Variants in GRIP1 observed in about 807,000 individuals in gnomAD.
GRIP1 encodes the protein glutamate receptor-interacting protein 1.
In GRIP1, 45 loss-of-function variants were observed where a neutral mutation model predicts 129.9. That is an observed-to-expected ratio of 0.35 (90% confidence interval 0.27 to 0.44). The LOEUF (loss-of-function observed/expected upper bound fraction) is 0.44. GRIP1 is among the 20% of genes least tolerant of loss of function. GRIP1 has a pLI of 1.00. For synonymous variants in GRIP1, 530 were observed against 520.8 expected, an observed-to-expected ratio of 1.02 and a Z score of -0.24; for missense variants, 1,196 against 1,396.8, an observed-to-expected ratio of 0.86 and a Z score of 2.29.
intron 1 of GRIP1, among the ~76,000 whole-genome samples, chr12:66,930,714 CTCTT>C (rs2041380291): frequency 6.6e-6 from 1 of 152,192 alleles, no homozygotes; most frequent in Non-Finnish European, 1.5e-5. Context: ...AGCTTGATGA[CTCTT>C]TCCCTTAACC....
intron 1 of GRIP1, among the ~76,000 whole-genome samples, chr12:66,945,746 TA>T (rs1426483485): frequency 5.3e-5 from 8 of 152,202 alleles, no homozygotes; most frequent in Admixed American, 3.3e-4. Flanking sequence ...GACAAATATC[TA>T]AACTATATCT....
chr12:66,966,705 T>C (rs1202491935), intron 1 of GRIP1, among the ~76,000 whole-genome samples: 3 of 152,202 alleles, frequency 2.0e-5, no homozygotes, highest in Non-Finnish European at 4.4e-5. Flanking sequence ...TCTGACGTTT[T>C]TCTCATTATG....
chr12:66,630,245 G>A (rs1592673343), intron 1 of GRIP1: 1 of 152,186 alleles, frequency 6.6e-6, no homozygotes, highest in Non-Finnish European at 1.5e-5. Flanking sequence ...AGGTACTTAG[G>A]AGGCTGAGGC....
At chr12:66,720,836 T>C (rs575007539) in intron 1 of GRIP1, among the ~76,000 whole-genome samples, 1 of 152,196 alleles carries the variant, frequency 6.6e-6, no homozygotes, top group Non-Finnish European at 1.5e-5. Context: ...CAAAGTCATT[T>C]ATGAGGGTAA....
At chr12:66,945,727 ATTTGGGAAGAC>A (rs1463379466) in intron 1 of GRIP1, among the ~76,000 whole-genome samples, 1 of 152,172 alleles carries the variant, frequency 6.6e-6, no homozygotes, top group Non-Finnish European at 1.5e-5. Flanking sequence ...TCAACACGAG[ATTTGGGAAGAC>A]AAATATCTAA....
At chr12:67,017,213 C>T (rs972748521) in intron 1 of GRIP1, among the ~76,000 whole-genome samples, 5 of 151,822 alleles carry the variant, frequency 3.3e-5, no homozygotes, top group South Asian at 2.1e-4. Flanking sequence ...AAAGATTGTT[C>T]CTGAATAGAA....
intron 1 of GRIP1, among the ~76,000 whole-genome samples, chr12:66,857,193 A>G (rs2040021180): frequency 6.6e-6 from 1 of 151,132 alleles, no homozygotes; most frequent in Admixed American, 6.6e-5. Context: ...TGGACACAGG[A>G]AGAGGAACAT....
At chr12:66,541,034 C>T (rs541786228) in intron 3 of GRIP1, among the ~76,000 whole-genome samples, 3 of 151,934 alleles carry the variant, frequency 2.0e-5, no homozygotes, top group Middle Eastern at 3.4e-3. Context: ...AAGCTGGTCT[C>T]GAACTCCTGA....
chr12:67,065,388 T>C (rs1239135328), intron 1 of GRIP1: 1 of 152,108 alleles, frequency 6.6e-6, no homozygotes, highest in Non-Finnish European at 1.5e-5. Context: ...CTCAGTTTCA[T>C]TTGTAGACCT....
At chr12:66,437,555 G>T (rs2058347645) in intron 13 of GRIP1, among the ~76,000 whole-genome samples, 1 of 152,196 alleles carries the variant, frequency 6.6e-6, no homozygotes, top group Non-Finnish European at 1.5e-5. Flanking sequence ...TATCAAGTAA[G>T]CTGGGTACTG....
rs111608367 is a variant in GRIP1, at chr12:66,923,995, C to T, written c.58+145055G>A. The stretch of plus-strand genomic sequence containing the variant: ...GAGTAGCTGGGATTACATGTATGTG[C>T]CACCACACCCAGCTGATTTTTATAT... On this transcript the variant is annotated intron_variant, in intron 1 of 1. Transcript: ENST00000643019. 3.5e-3 allele frequency among the ~76,000 whole-genome samples: 529 copies of T among 152,224 alleles called. 4 individuals are homozygous for T. The highest frequency in any genetic ancestry group is 0.012 in the African/African-American group (502 of 41,538).
chr12:67,060,824 C>CAAAAA (rs11300344), intron 1 of GRIP1, among the ~76,000 whole-genome samples: 1 of 104,776 alleles, frequency 9.5e-6, no homozygotes. Flanking sequence ...AACTCCGTCT[C>CAAAAA]AAAAAAAAAA....
At chr12:66,507,454 A>AG (rs2060564113) in intron 7 of GRIP1, among the ~76,000 whole-genome samples, 2 of 151,808 alleles carry the variant, frequency 1.3e-5, no homozygotes, top group African/African-American at 4.8e-5. Flanking sequence ...AGAAAAAAAA[A>AG]AAGAAATCAA....
At chr12:66,517,853 G>T in intron 6 of GRIP1, 48 bp downstream of exon 6, 4 of 973,400 alleles carry the variant, frequency 4.1e-6, no homozygotes, top group Non-Finnish European at 6.7e-6. Context: ...AAAGTCCCCA[G>T]CTTTATTTAT....
intron 1 of GRIP1, among the ~76,000 whole-genome samples, chr12:66,813,383 C>T (rs902902947): frequency 4.6e-5 from 7 of 152,136 alleles, no homozygotes; most frequent in African/African-American, 1.4e-4. Flanking sequence ...CCACTAGGCC[C>T]CACCTCCAAC....
intron 1 of GRIP1, among the ~76,000 whole-genome samples, chr12:67,055,451 G>C (rs1206011594): frequency 6.6e-6 from 1 of 152,190 alleles, no homozygotes; most frequent in Non-Finnish European, 1.5e-5. Flanking sequence ...AGTGACATAA[G>C]AACAGGATGC....
intron 1 of GRIP1, among the ~76,000 whole-genome samples, chr12:66,791,922 T>A (rs572112205): frequency 1.3e-5 from 2 of 152,152 alleles, no homozygotes; most frequent in Non-Finnish European, 2.9e-5. Context: ...ATGCAGCATT[T>A]GATTTGCCAT....
At chr12:66,427,973 T>G (rs1296387924) in intron 14 of GRIP1, among the ~76,000 whole-genome samples, 1 of 152,192 alleles carries the variant, frequency 6.6e-6, no homozygotes, top group East Asian at 1.9e-4. Flanking sequence ...ACCTCTGCCT[T>G]CTACCTTTAA....
chr12:66,666,058 C>A (rs1234432574), intron 1 of GRIP1, among the ~76,000 whole-genome samples: 4 of 152,146 alleles, frequency 2.6e-5, no homozygotes, highest in African/African-American at 4.8e-5. Context: ...CTTTCCCCCA[C>A]AAACATAAAG....
Sources: gnomAD v4.1 joint callset for allele counts (sites outside exome capture counted in the v4.1 genomes callset) on GRCh38, gnomAD v4.1.1 for gene constraint, MANE v1.5 for transcripts, NCBI Gene and HGNC (gene_info 2026-07-23, HGNC 2026-07-21) for gene names.